The following DIAPH2 variants were observed in gnomAD, a reference collection of about 807,000 sequenced individuals.
DIAPH2 encodes protein diaphanous homolog 2.
In DIAPH2, 35 loss-of-function variants were observed where a neutral mutation model predicts 92.7. The observed-to-expected ratio is 0.38, with a 90% CI of 0.29 to 0.50. The LOEUF (loss-of-function observed/expected upper bound fraction) is 0.50. Among genes scored for constraint, DIAPH2 ranks in the 20% least tolerant of loss-of-function variants. DIAPH2 has a pLI of 0.94. For synonymous variants in DIAPH2, 301 were observed against 280.4 expected, an observed-to-expected ratio of 1.07 and a Z score of -0.73; for missense variants, 701 against 819.5, an observed-to-expected ratio of 0.86 and a Z score of 1.77.
At chrX:97,263,776 G>A (rs1394163397) in intron 23 of DIAPH2, among the ~76,000 whole-genome samples, 2 of 109,114 alleles carry the variant, frequency 1.8e-5, no homozygotes, top group Non-Finnish European at 3.8e-5. Context: ...TAGTAGAGAC[G>A]GGGTTTCACC....
intron 22 of DIAPH2, among the ~76,000 whole-genome samples, chrX:97,192,701 A>T (rs749394523): frequency 8.9e-6 from 1 of 111,878 alleles, no homozygotes; most frequent in East Asian, 2.8e-4. Context: ...GTGATGATAG[A>T]TGGTAGGAAT....
At chrX:96,987,305 C>A (rs1242591069) in intron 17 of DIAPH2, among the ~76,000 whole-genome samples, 1 of 111,541 alleles carries the variant, frequency 9.0e-6, no homozygotes, top group Non-Finnish European at 1.9e-5. Flanking sequence ...GCAATTCTTC[C>A]AAGCGGCCAT....
At chrX:97,069,292 T>A (rs920402524) in intron 17 of DIAPH2, among the ~76,000 whole-genome samples, 3 of 111,254 alleles carry the variant, frequency 2.7e-5, no homozygotes, top group African/African-American at 9.8e-5. Context: ...TTAATTCTCC[T>A]CATATTTCTT....
chrX:97,246,097 A>G (rs1261475660), intron 22 of DIAPH2, among the ~76,000 whole-genome samples: 1 of 99,908 alleles, frequency 1.0e-5, no homozygotes, highest in Admixed American at 1.1e-4. Context: ...TTTTTTTGGT[A>G]GAGACAGGGT....
chrX:97,108,901 C>A (rs1432069096), intron 20 of DIAPH2, among the ~76,000 whole-genome samples: 1 of 110,394 alleles, frequency 9.1e-6, no homozygotes, highest in Non-Finnish European at 1.9e-5. Context: ...AGATAAGGAC[C>A]CCGGTTTCTT....
chrX:97,269,309 C>T (rs1332587806), intron 23 of DIAPH2, among the ~76,000 whole-genome samples: 1 of 111,726 alleles, frequency 9.0e-6, no homozygotes, highest in Non-Finnish European at 1.9e-5. Context: ...GCAAAAGTGT[C>T]ATAGCTGACA....
intron 26 of DIAPH2, among the ~76,000 whole-genome samples, chrX:97,435,015 A>G (rs1602587165): frequency 9.0e-6 from 1 of 111,583 alleles, no homozygotes; most frequent in Admixed American, 9.5e-5. Context: ...TTGGGCAGGT[A>G]GGAGAATCCA....
At chrX:96,843,982 A>G (rs776312711) in intron 4 of DIAPH2, among the ~76,000 whole-genome samples, 3 of 112,355 alleles carry the variant, frequency 2.7e-5, no homozygotes, top group Non-Finnish European at 5.6e-5. Flanking sequence ...GAGTGGCATA[A>G]TTTATGAAAT....
chrX:97,290,074 A>AATATATATATAT (rs374540988), intron 23 of DIAPH2, among the ~76,000 whole-genome samples: 8 of 95,137 alleles, frequency 8.4e-5, no homozygotes, highest in African/African-American at 2.6e-4. Context: ...CAGTAATTTA[A>AATATATATATAT]ATATATATAT....
At chrX:96,774,393 A>G (rs1163901532) in intron 4 of DIAPH2, among the ~76,000 whole-genome samples, 1 of 111,982 alleles carries the variant, frequency 8.9e-6, no homozygotes, top group African/African-American at 3.2e-5. Context: ...GAGAATACCT[A>G]CAGTCATACC....
chrX:97,535,802 T>C (rs760657272), intron 26 of DIAPH2, among the ~76,000 whole-genome samples: 3 of 112,579 alleles, frequency 2.7e-5, no homozygotes, highest in African/African-American at 9.7e-5. Flanking sequence ...AAGGTCACTA[T>C]CATCTAGCTT....
chrX:96,909,508 A>G (rs2065456247), intron 5 of DIAPH2, among the ~76,000 whole-genome samples: 1 of 111,080 alleles, frequency 9.0e-6, no homozygotes, highest in African/African-American at 3.3e-5. Context: ...GAGAAAAAGG[A>G]AACAAAGCTA....
At position 96,726,378 on chromosome X, in the gene DIAPH2, A is replaced by C. The variant is rs771033163; in HGVS notation, c.133-9380A>C. Among the ~76,000 whole-genome samples, 3 of 112,100 alleles carry C rather than the reference A, an allele frequency of 2.7e-5. No individual in the cohort carries two copies. In the South Asian group the frequency reaches 1.1e-3, roughly 41 times the overall value. On this transcript the variant is annotated intron_variant, in intron 1 of 26. Transcript: ENST00000324765. The stretch of plus-strand genomic sequence containing the variant: ...GTCCTTACTACATTGAGTTTACAGT[A>C]TTGCACAGAAGACTGATATTGATAG...
At chrX:97,452,480 A>T (rs2070367226) in intron 26 of DIAPH2, among the ~76,000 whole-genome samples, 1 of 112,000 alleles carries the variant, frequency 8.9e-6, no homozygotes, top group Non-Finnish European at 1.9e-5. Context: ...TGCTGAGGTC[A>T]TCTAGAGTTT....
intron 25 of DIAPH2, among the ~76,000 whole-genome samples, chrX:97,411,084 A>C (rs1468503189): frequency 4.5e-5 from 5 of 110,933 alleles, no homozygotes; most frequent in Non-Finnish European, 9.4e-5. Context: ...AAGAAGAGCA[A>C]CCCCAGGACA....
intron 21 of DIAPH2, among the ~76,000 whole-genome samples, chrX:97,128,585 G>T: frequency 9.0e-6 from 1 of 111,688 alleles, no homozygotes; most frequent in Non-Finnish European, 1.9e-5. Flanking sequence ...ACTCACTTTA[G>T]GCATACAGTT....
chrX:97,083,402 C>T (rs1025587058), intron 19 of DIAPH2, among the ~76,000 whole-genome samples: 3 of 112,379 alleles, frequency 2.7e-5, no homozygotes, highest in Admixed American at 9.4e-5. Context: ...TTAAATATTA[C>T]ACAATGAATA....
At chrX:97,508,526 G>A (rs2070853816) in intron 26 of DIAPH2, among the ~76,000 whole-genome samples, 3 of 112,157 alleles carry the variant, frequency 2.7e-5, no homozygotes, top group South Asian at 7.4e-4. Context: ...AATTTACATT[G>A]TTAGGAATTC....
At chrX:96,844,534 C>T (rs1474209692) in intron 4 of DIAPH2, among the ~76,000 whole-genome samples, 1 of 111,622 alleles carries the variant, frequency 9.0e-6, no homozygotes, top group East Asian at 2.8e-4. Context: ...CAGCTTCAGC[C>T]AAAAGGAGAT....
Sources: allele counts gnomAD v4.1 joint callset (sites outside exome capture counted in the v4.1 genomes callset), GRCh38; gene constraint gnomAD v4.1.1; transcripts MANE v1.5; gene names NCBI Gene and HGNC (gene_info 2026-07-23, HGNC 2026-07-21).